Variants in KIAA0319 observed in about 807,000 individuals in gnomAD.
KIAA0319 encodes dyslexia-associated protein KIAA0319.
Under a neutral mutation model 108.4 loss-of-function variants are expected in KIAA0319, and 83 were observed. That is an observed-to-expected ratio of 0.77 (90% CI 0.64 to 0.92). The LOEUF (loss-of-function observed/expected upper bound fraction) is 0.92. Among genes scored for constraint, KIAA0319 ranks in the 40% least tolerant of loss-of-function variants. The pLI, the probability that KIAA0319 is intolerant of heterozygous loss-of-function variation, is 0.00. For missense variants in KIAA0319, 1,195 were observed against 1,322.4 expected (o/e 0.90, Z 1.49); for synonymous variants, 484 against 510.4 (o/e 0.95, Z 0.70).
At chr6:24,631,654 T>TC (rs140468459) in intron 1 of KIAA0319, among the ~76,000 whole-genome samples, 12,809 of 152,214 alleles carry the variant, frequency 0.084, 1,299 homozygotes, top group African/African-American at 0.24. Flanking sequence ...CTTTAAATAT[T>TC]CTCCCTAATT....
In KIAA0319 at chr6:24,618,158, A is replaced by C. The variant is rs568312347; in HGVS notation, c.-105-16950T>G. Among the ~76,000 whole-genome samples, 8 of 152,276 alleles carry C rather than the reference A, an allele frequency of 5.3e-5. No homozygotes were observed. The South Asian group carries it at 1.4e-3, about 28-fold the overall frequency. On this transcript the variant is annotated intron_variant, in intron 1 of 20. Coordinates refer to ENST00000378214, the MANE Select transcript of KIAA0319 (RefSeq NM_014809.4). ...AACATAAGTTTGGGCTTGGCTTTTCATTACTAGTTTGGCTTAATAAACCCC... is the reference window on the plus strand; with the variant it reads ...AACATAAGTTTGGGCTTGGCTTTTCCTTACTAGTTTGGCTTAATAAACCCC...
intron 1 of KIAA0319, among the ~76,000 whole-genome samples, chr6:24,612,781 G>C (rs1454872218): frequency 6.6e-6 from 1 of 152,020 alleles, no homozygotes; most frequent in Non-Finnish European, 1.5e-5. Context: ...AGGGGAGAGA[G>C]GGCTCAGGGA....
At position 24,599,949 on chromosome 6, in the gene KIAA0319, C is replaced by T. The variant is rs572162436; in HGVS notation, c.55+1100G>A. 2.9e-4 allele frequency among the ~76,000 whole-genome samples: 44 copies of T among 152,238 alleles called. No homozygotes were observed. The highest frequency in any genetic ancestry group is 5.4e-4 in the Non-Finnish European group (37 of 68,018). On this transcript the variant is annotated intron_variant, in intron 2 of 20. Transcript: ENST00000378214. This position sits in a 1 kb window ranked among gnomAD's most constrained non-coding sequence, Gnocchi z 4.1. The stretch of plus-strand genomic sequence containing the variant: ...GGGAGAGTTCACTGCCTGGGGTATC[C>T]CCCTTTGCCCATGCCTCCAGCTACA...
intron 17 of KIAA0319, among the ~76,000 whole-genome samples, chr6:24,558,273 C>CAAA (rs112514454): frequency 7.0e-6 from 1 of 143,350 alleles, no homozygotes; most frequent in African/African-American, 2.5e-5. Context: ...CTAAAAATAC[C>CAAA]AAAAAAAAAG....
chr6:24,548,930 C>G (rs1423546695), intron 20 of KIAA0319, among the ~76,000 whole-genome samples: 1 of 152,120 alleles, frequency 6.6e-6, no homozygotes, highest in Non-Finnish European at 1.5e-5. Flanking sequence ...AATGTTTGCA[C>G]CCCCACAAAT....
At chr6:24,629,593 T>A (rs9393571) in intron 1 of KIAA0319, among the ~76,000 whole-genome samples, 105,935 of 150,412 alleles carry the variant, frequency 0.7, 37,849 homozygotes, top group East Asian at 0.87. Flanking sequence ...CAGCTAAAAG[T>A]GATGGGTGTG....
intron 3 of KIAA0319, among the ~76,000 whole-genome samples, chr6:24,592,407 T>A (rs1768636644): frequency 6.6e-6 from 1 of 152,176 alleles, no homozygotes; most frequent in African/African-American, 2.4e-5. Flanking sequence ...TTGCACTGCA[T>A]CAGAATGAAA....
intron 1 of KIAA0319, among the ~76,000 whole-genome samples, chr6:24,642,061 G>A (rs1422328673): frequency 2.3e-5 from 3 of 132,726 alleles, no homozygotes; most frequent in East Asian, 2.3e-4. Flanking sequence ...GGAGGGGAGG[G>A]GAGGGGAGGA....
At chr6:24,641,577 T>C (rs753747003) in intron 1 of KIAA0319, among the ~76,000 whole-genome samples, 2 of 152,194 alleles carry the variant, frequency 1.3e-5, no homozygotes, top group African/African-American at 4.8e-5. Context: ...CAGAAACACA[T>C]ATCTGCATGG....
intron 1 of KIAA0319, among the ~76,000 whole-genome samples, chr6:24,621,259 T>A (rs2127570495): frequency 6.6e-6 from 1 of 152,324 alleles, no homozygotes; most frequent in South Asian, 2.1e-4. Flanking sequence ...GGGAGATATT[T>A]GGGAGATGGG....
chr6:24,617,835 A>G (rs944862448), intron 1 of KIAA0319, among the ~76,000 whole-genome samples: 4 of 151,956 alleles, frequency 2.6e-5, no homozygotes, highest in Non-Finnish European at 5.9e-5. Flanking sequence ...AAAAATACAA[A>G]AATTAGCCAG....
chr6:24,634,068 TA>T (rs1302667605), intron 1 of KIAA0319, among the ~76,000 whole-genome samples: 1 of 152,124 alleles, frequency 6.6e-6, no homozygotes, highest in Non-Finnish European at 1.5e-5. Flanking sequence ...GCAAGATAAA[TA>T]AACACAAAAA....
At chr6:24,590,496 C>T (rs576757049) in intron 3 of KIAA0319, among the ~76,000 whole-genome samples, 1 of 152,278 alleles carries the variant, frequency 6.6e-6, no homozygotes, top group South Asian at 2.1e-4. Flanking sequence ...TCTGTGCTCT[C>T]TAAGAATAGC....
intron 1 of KIAA0319, among the ~76,000 whole-genome samples, chr6:24,613,839 G>A (rs572419084): frequency 1.8e-3 from 274 of 152,150 alleles, no homozygotes; most frequent in Middle Eastern, 3.4e-3. Flanking sequence ...TTTCAGAGCC[G>A]GCTAACAGCT....
At chr6:24,576,149 C>T (rs1322410613) in intron 10 of KIAA0319, among the ~76,000 whole-genome samples, 1 of 152,174 alleles carries the variant, frequency 6.6e-6, no homozygotes, top group Non-Finnish European at 1.5e-5. Flanking sequence ...AGCACAGAGC[C>T]AATTGGTTGC....
chr6:24,568,907 C>T lies in KIAA0319; in HGVS notation c.2014G>A (p.Glu672Lys), dbSNP rs1278680592. ...GTGGCTATTGCTTTGTCAATATTTT[C>T]CATCTCCACTGCACTGGGGCCTCTA... is the stretch of plus-strand genomic sequence containing the variant. ...HVRGPSAVEM[E>K]NIDKAIATVT... Residue 672 changes from glutamate to lysine, a missense_variant, in exon 13 of 21, where the codon GAA becomes AAA. Coordinates refer to ENST00000378214, the MANE Select transcript of KIAA0319 (RefSeq NM_014809.4). The T allele has an allele frequency of 6.2e-7, 1 of 1,614,094 alleles. No individual in the cohort carries two copies. The highest frequency in any genetic ancestry group is 8.5e-7 in the Non-Finnish European group (1 of 1,180,028).
intron 1 of KIAA0319, among the ~76,000 whole-genome samples, chr6:24,613,185 T>C (rs1156336794): frequency 6.6e-6 from 1 of 152,142 alleles, no homozygotes; most frequent in Non-Finnish European, 1.5e-5. Context: ...CTACTCGGCA[T>C]TAAGAGCTTC....
In KIAA0319 at chr6:24,611,174, C is replaced by CTT. The variant is rs57550162; in HGVS notation, c.-105-9968_-105-9967dup. ...TAAATTATAAGATGTACAGTTTTTG[C>CTT]TTTTTTTTTTTTTTTGAAGTAATGA... On this transcript the variant is annotated intron_variant, in intron 1 of 20. Coordinates refer to ENST00000378214, the MANE Select transcript of KIAA0319 (RefSeq NM_014809.4). 1.3e-4 allele frequency among the ~76,000 whole-genome samples: 18 copies of CTT among 136,766 alleles called. No homozygotes were observed. In the South Asian group the frequency reaches 1.6e-3, roughly 12 times the overall value. The allele number at this position is 136,766 out of a possible 152,430, so 89.7% of individuals were successfully genotyped here.
Position 24,631,017 on chromosome 6 carries a change from T to C in KIAA0319, c.-106+14719A>G, listed in dbSNP as rs188545632. 7.9e-5 allele frequency among the ~76,000 whole-genome samples: 12 copies of C among 152,376 alleles called. No individual in the cohort carries two copies. In the East Asian group the frequency reaches 2.1e-3, roughly 27 times the overall value. ...ACAGATTGTCTGCATAGCATTGTCC[T>C]ACAGGCTGTTAAGAACGAGCTGTAT... On this transcript the variant is annotated intron_variant, in intron 1 of 20. Transcript: ENST00000378214.
Sources: allele counts gnomAD v4.1 joint callset (sites outside exome capture counted in the v4.1 genomes callset), GRCh38; gene constraint gnomAD v4.1.1; non-coding constraint Gnocchi (gnomAD v3.1); transcripts MANE v1.5; gene names NCBI Gene and HGNC (gene_info 2026-07-23, HGNC 2026-07-21).